Variants in GNB4 observed in about 807,000 individuals in gnomAD.
The protein encoded by GNB4 is guanine nucleotide-binding protein subunit beta-4.
A neutral mutation model predicts 45.2 loss-of-function variants in GNB4; 28 were observed. The observed-to-expected ratio is 0.62, with a 90% CI of 0.46 to 0.85. The LOEUF (loss-of-function observed/expected upper bound fraction) is 0.85, where lower values mean the gene tolerates loss of function less well. Among genes scored for constraint, GNB4 ranks in the 40% least tolerant of loss-of-function variants. The pLI, the probability that GNB4 is intolerant of heterozygous loss-of-function variation, is 0.00. For missense variants in GNB4, 321 were observed against 425.4 expected, an observed-to-expected ratio of 0.75 and a Z score of 2.16; for synonymous variants, 132 against 143.7, an observed-to-expected ratio of 0.92 and a Z score of 0.58.
the GNB4 span, among the ~76,000 whole-genome samples, chr3:179,489,042 ATAT>A: frequency 1.7e-4 from 14 of 83,674 alleles, no homozygotes; most frequent in Non-Finnish European, 2.5e-4. Flanking sequence ...ATATATATAT[ATAT>A]AATATATATG....
the GNB4 span, among the ~76,000 whole-genome samples, chr3:179,489,732 T>C: frequency 6.6e-6 from 1 of 152,192 alleles, no homozygotes; most frequent in African/African-American, 2.4e-5. Context: ...GGAGGTGAAA[T>C]TAACATTTAT....
At chr3:179,426,542 G>A (rs1715151306) in intron 1 of GNB4, among the ~76,000 whole-genome samples, 1 of 152,010 alleles carries the variant, frequency 6.6e-6, no homozygotes, top group African/African-American at 2.4e-5. Context: ...ACAGTTCAGA[G>A]GACACCAAGA....
chr3:179,417,593 G>C (rs1000711779), intron 4 of GNB4, among the ~76,000 whole-genome samples: 3 of 151,956 alleles, frequency 2.0e-5, no homozygotes. Flanking sequence ...TCAACATGTT[G>C]GTCAGGCTGG....
At position 179,426,149 on chromosome 3, in the gene GNB4, T is replaced by G; in HGVS notation, c.52A>C (p.Ile18Leu). 6.3e-7 allele frequency: 1 copy of G among 1,599,400 alleles called. No homozygotes were observed. Among genetic ancestry groups the G allele is most frequent in the Non-Finnish European group, 8.5e-7 (1 of 1,176,538 alleles). Residue 18 changes from isoleucine (I) to leucine (L), a missense_variant, in exon 2 of 10, where the codon ATT becomes CTT. Transcript: ENST00000232564. ...TTGAAATGAAAAGGTTTTACCTGAA[T>G]CTGATTCCGCAGTTGTTCTGCTTCT... ...RQEAEQLRNQ[I>L]QDARKACNDA...
chr3:179,443,407 T>C (rs1715642552), intron 1 of GNB4, among the ~76,000 whole-genome samples: 1 of 151,990 alleles, frequency 6.6e-6, no homozygotes, highest in Non-Finnish European at 1.5e-5. Flanking sequence ...GGTGTGGTGG[T>C]GCATGCCTGT....
the GNB4 span, among the ~76,000 whole-genome samples, chr3:179,490,437 A>G: frequency 1.3e-5 from 2 of 152,236 alleles, no homozygotes; most frequent in Non-Finnish European, 2.9e-5. Context: ...ATCGATAGAT[A>G]GAGACATATA....
the GNB4 span, among the ~76,000 whole-genome samples, chr3:179,485,264 G>A: frequency 1.9e-4 from 29 of 151,866 alleles, no homozygotes; most frequent in African/African-American, 6.8e-4. Flanking sequence ...CGCCCGCCTC[G>A]GCCTCCCAAA....
the GNB4 span, among the ~76,000 whole-genome samples, chr3:179,494,907 CAAA>C: frequency 4.1e-4 from 14 of 33,990 alleles, no homozygotes; most frequent in Non-Finnish European, 2.7e-4. Flanking sequence ...GACTCTGTCT[CAAA>C]AAAAAAAAAA....
chr3:179,486,259 A>T, the GNB4 span, among the ~76,000 whole-genome samples: 1 of 151,054 alleles, frequency 6.6e-6, no homozygotes, highest in Non-Finnish European at 1.5e-5. Context: ...CATGTTCTGT[A>T]ATTTGCCTTT....
intron 1 of GNB4, among the ~76,000 whole-genome samples, chr3:179,435,538 T>C (rs1364949323): frequency 1.3e-5 from 2 of 150,926 alleles, no homozygotes; most frequent in Non-Finnish European, 2.9e-5. Context: ...CCAATAGTAA[T>C]TTTTGCTCAA....
intron 1 of GNB4, among the ~76,000 whole-genome samples, chr3:179,448,593 A>G (rs1053786229): frequency 1.3e-5 from 2 of 152,108 alleles, no homozygotes; most frequent in Non-Finnish European, 2.9e-5. Flanking sequence ...TTTTGAACAT[A>G]AAAAAGACTA....
intron 8 of GNB4, among the ~76,000 whole-genome samples, chr3:179,408,141 G>T (rs1419934046): frequency 1.3e-5 from 2 of 152,020 alleles, no homozygotes; most frequent in East Asian, 1.9e-4. Flanking sequence ...ACAATGTCTG[G>T]TATCTAATAA....
At chr3:179,505,235 C>T in the GNB4 span, among the ~76,000 whole-genome samples, 1 of 152,138 alleles carries the variant, frequency 6.6e-6, no homozygotes, top group African/African-American at 2.4e-5. Flanking sequence ...ACCCTCTCAT[C>T]GCAAAGCTCC....
chr3:179,413,696 G>T lies in GNB4; in HGVS notation c.497+19C>A. On this transcript the variant is annotated intron_variant, in intron 7 of 9. Coordinates refer to ENST00000232564, the MANE Select transcript of GNB4 (RefSeq NM_021629.4). ...CCACCCTCAAACCCATAATCAGTGT[G>T]CTTCTGGAATAAACTTACCAAGTTG... is the stretch of plus-strand genomic sequence containing the variant. The T allele has an allele frequency of 6.2e-7, 1 of 1,613,278 alleles. No homozygotes were observed. Among genetic ancestry groups the T allele is most frequent in the South Asian group, 1.1e-5 (1 of 91,038 alleles).
the GNB4 span, among the ~76,000 whole-genome samples, chr3:179,479,762 C>A: frequency 5.3e-5 from 8 of 152,186 alleles, no homozygotes; most frequent in African/African-American, 1.9e-4. Context: ...GCTATAAACT[C>A]TTCTTAAATA....
the GNB4 span, among the ~76,000 whole-genome samples, chr3:179,458,170 T>C: frequency 6.6e-6 from 1 of 152,202 alleles, no homozygotes; most frequent in Non-Finnish European, 1.5e-5. Context: ...CCCAAAGTGC[T>C]GGGATTACAG....
At position 179,405,198 on chromosome 3, in the gene GNB4, TCTC is replaced by T. The variant is rs751851667; in HGVS notation, c.905_907del (p.Gly302del). The T allele has an allele frequency of 1.2e-6, 2 of 1,612,706 alleles. No individual in the cohort carries two copies. Among genetic ancestry groups the T allele is most frequent in the Non-Finnish European group, 1.7e-6 (2 of 1,179,304 alleles). On this transcript the variant is annotated inframe_deletion, in exon 9 of 10. Coordinates refer to ENST00000232564, the MANE Select transcript of GNB4 (RefSeq NM_021629.4). The stretch of plus-strand genomic sequence containing the variant: ...TGGACTTATTTACTAACCTGCACGA[TCTC>T]CTTTTAGCGTGTCCCATACATTACA...
chr3:179,527,786 ATGTATGTGTGTG>A, the GNB4 span, among the ~76,000 whole-genome samples: 3 of 124,936 alleles, frequency 2.4e-5, no homozygotes, highest in African/African-American at 9.4e-5. Context: ...GCGTGTGTGT[ATGTATGTGTGTG>A]TGTGTGTGTG....
intron 4 of GNB4, 113 bp downstream of exon 4, chr3:179,419,286 G>T: frequency 1.4e-6 from 1 of 733,780 alleles, no homozygotes. Context: ...TGCATTTTCT[G>T]CAAACGCTTC....
Sources: allele counts gnomAD v4.1 joint callset (sites outside exome capture counted in the v4.1 genomes callset), GRCh38; gene constraint gnomAD v4.1.1; transcripts MANE v1.5; gene names NCBI Gene and HGNC (gene_info 2026-07-23, HGNC 2026-07-21).